The following FRMPD4 variants were observed in gnomAD, a reference collection of about 807,000 sequenced individuals.
FRMPD4 encodes the protein FERM and PDZ domain containing 4, also known as FERM and PDZ domain-containing protein 4.
In FRMPD4, 22 loss-of-function variants were observed where a neutral mutation model predicts 94.1. That is an observed-to-expected ratio of 0.23 (90% CI 0.17 to 0.33). FRMPD4 has a LOEUF of 0.33. Among genes scored for constraint, FRMPD4 ranks in the 10% least tolerant of loss-of-function variants. The probability of loss-of-function intolerance (pLI) is 1.00; values close to 1 mark genes in which losing one functional copy is unlikely to be tolerated. For missense variants in FRMPD4, 1,111 were observed against 1,339.9 expected, an observed-to-expected ratio of 0.83 and a Z score of 2.67; for synonymous variants, 631 against 548.6, an observed-to-expected ratio of 1.15 and a Z score of -2.10.
intron 14 of FRMPD4, among the ~76,000 whole-genome samples, chrX:12,711,247 C>T (rs1602360638): frequency 1.8e-5 from 2 of 111,657 alleles, no homozygotes; most frequent in Non-Finnish European, 1.9e-5. Flanking sequence ...GTCCTAGGCC[C>T]GGGTGTCTGG....
At chrX:12,520,542 G>A (rs1053887315) in intron 2 of FRMPD4, among the ~76,000 whole-genome samples, 2 of 111,594 alleles carry the variant, frequency 1.8e-5, no homozygotes, top group African/African-American at 6.5e-5. Context: ...TACACAAAGT[G>A]CATGCCAGTG....
intron 2 of FRMPD4, among the ~76,000 whole-genome samples, chrX:11,871,153 A>T (rs933666298): frequency 6.2e-5 from 7 of 112,756 alleles, no homozygotes; most frequent in African/African-American, 1.6e-4. Flanking sequence ...AGTTGAAGAA[A>T]GATACCCTAG....
At chrX:12,236,631 C>G (rs771479679) in intron 1 of FRMPD4, among the ~76,000 whole-genome samples, 1 of 110,692 alleles carries the variant, frequency 9.0e-6, no homozygotes, top group Non-Finnish European at 1.9e-5. Flanking sequence ...CAATAATAAC[C>G]TCTAAATTCA....
At chrX:11,889,700 A>T (rs1158858305) in intron 3 of FRMPD4, among the ~76,000 whole-genome samples, 1 of 112,186 alleles carries the variant, frequency 8.9e-6, no homozygotes. Context: ...CATTTGCTGC[A>T]TGAAATCATA....
chrX:12,448,337 C>A (rs1238986924), intron 1 of FRMPD4, among the ~76,000 whole-genome samples: 1 of 111,954 alleles, frequency 8.9e-6, no homozygotes, highest in South Asian at 3.7e-4. Context: ...AAGAGGATCA[C>A]AGGATTTGAG....
chrX:11,886,907 G>A (rs1016442805), intron 3 of FRMPD4, among the ~76,000 whole-genome samples: 1 of 109,766 alleles, frequency 9.1e-6, no homozygotes, highest in South Asian at 4.0e-4. Flanking sequence ...ATGTCTCCTC[G>A]GGGGGACCTT....
At chrX:12,133,862 C>T (rs1487315600), upstream of FRMPD4, among the ~76,000 whole-genome samples, 1 of 111,954 alleles carries the variant, frequency 8.9e-6, no homozygotes, top group African/African-American at 3.3e-5. Context: ...TTGGCCACTT[C>T]CATGCTAAAA....
chrX:12,523,610 G>A (rs1423652369), intron 2 of FRMPD4, among the ~76,000 whole-genome samples: 1 of 112,019 alleles, frequency 8.9e-6, no homozygotes, highest in Non-Finnish European at 1.9e-5. Flanking sequence ...TGGGCATGCT[G>A]CCTTTCTGTA....
intron 1 of FRMPD4, among the ~76,000 whole-genome samples, chrX:12,374,684 A>G (rs1266092840): frequency 8.9e-6 from 1 of 111,959 alleles, no homozygotes; most frequent in Middle Eastern, 4.2e-3. Context: ...AGGCAGGGCC[A>G]TGCAAGCGCA....
intron 1 of FRMPD4, among the ~76,000 whole-genome samples, chrX:12,469,395 G>A (rs954574690): frequency 1.6e-4 from 18 of 110,941 alleles, no homozygotes; most frequent in Middle Eastern, 4.6e-3. Context: ...GATTACCGGC[G>A]CACACTGCCT....
At chrX:12,336,462 C>T (rs1475045715) in intron 1 of FRMPD4, among the ~76,000 whole-genome samples, 1 of 111,601 alleles carries the variant, frequency 9.0e-6, no homozygotes, top group Admixed American at 9.5e-5. Context: ...GTTGCCTTAA[C>T]TGTCCTAGAC....
intron 2 of FRMPD4, among the ~76,000 whole-genome samples, chrX:12,541,459 C>T (rs2058410888): frequency 8.9e-6 from 1 of 112,131 alleles, no homozygotes; most frequent in African/African-American, 3.2e-5. Context: ...ATACTATCAA[C>T]ACCTCTATGC....
intron 3 of FRMPD4, among the ~76,000 whole-genome samples, chrX:11,977,584 A>G (rs1465803530): frequency 8.9e-6 from 1 of 112,067 alleles, no homozygotes; most frequent in Non-Finnish European, 1.9e-5. Context: ...GGCGGTCCTG[A>G]GAACATGTGC....
intron 1 of FRMPD4, among the ~76,000 whole-genome samples, chrX:12,361,372 T>C (rs1190054962): frequency 1.8e-5 from 2 of 112,406 alleles, no homozygotes; most frequent in Admixed American, 1.9e-4. Context: ...AGGGGAATAA[T>C]GGGTTTGCCA....
intron 1 of FRMPD4, among the ~76,000 whole-genome samples, chrX:11,858,791 A>C (rs774008816): frequency 8.9e-6 from 1 of 111,978 alleles, no homozygotes; most frequent in East Asian, 2.8e-4. Context: ...AAAACTTAAA[A>C]GAATGCTTAC....
At chrX:12,094,308 A>G (rs2055180441) in intron 3 of FRMPD4, among the ~76,000 whole-genome samples, 1 of 112,439 alleles carries the variant, frequency 8.9e-6, no homozygotes, top group Admixed American at 9.4e-5. Context: ...CTTGGGTGAG[A>G]CTGGTGGATA....
intron 1 of FRMPD4, among the ~76,000 whole-genome samples, chrX:12,152,923 ATTTT>A: frequency 1.3e-5 from 1 of 75,732 alleles, no homozygotes; most frequent in East Asian, 4.7e-4. Flanking sequence ...AAGCTTATAC[ATTTT>A]TTTTTTTTTT....
intron 1 of FRMPD4, among the ~76,000 whole-genome samples, chrX:12,299,647 A>G (rs1163142565): frequency 9.0e-6 from 1 of 111,277 alleles, no homozygotes; most frequent in African/African-American, 3.3e-5. Flanking sequence ...ACTCCAGTTT[A>G]TGATTAGGAT....
In FRMPD4 at chrX:12,343,631, A is replaced by G. The variant is rs144039852; in HGVS notation, c.42-155049A>G. 6.9e-3 allele frequency among the ~76,000 whole-genome samples: 771 copies of G among 112,139 alleles called. 7 individuals are homozygous for G. The highest frequency in any genetic ancestry group is 0.022 in the African/African-American group (678 of 30,863). ...TACTAGGAGCATATTCCATTTGTCTATATTCACTAGTTGATAGTTAATGTA... is the reference window on the plus strand; with the variant it reads ...TACTAGGAGCATATTCCATTTGTCTGTATTCACTAGTTGATAGTTAATGTA... On this transcript the variant is annotated intron_variant, in intron 1 of 16. Coordinates refer to ENST00000675598, the MANE Select transcript of FRMPD4 (RefSeq NM_001368397.1).
Sources: allele counts gnomAD v4.1 joint callset (sites outside exome capture counted in the v4.1 genomes callset), GRCh38; gene constraint gnomAD v4.1.1; transcripts MANE v1.5; gene names NCBI Gene and HGNC (gene_info 2026-07-23, HGNC 2026-07-21).